The following RELCH variants were observed in gnomAD, a reference collection of about 807,000 sequenced individuals.
RELCH encodes the protein RAB11-binding protein RELCH.
In RELCH, 41 loss-of-function variants were observed where a neutral mutation model predicts 150.3. The observed-to-expected ratio is 0.27, with a 90% CI of 0.21 to 0.35. The LOEUF (loss-of-function observed/expected upper bound fraction) is 0.35, where lower values mean the gene tolerates loss of function less well. Ranked by LOEUF, RELCH falls within the 10% of genes least tolerant of loss-of-function variation. RELCH has a pLI of 1.00. For missense variants in RELCH, 1,092 were observed against 1,467.8 expected (o/e 0.74, Z 4.18); for synonymous variants, 478 against 531.8 (o/e 0.90, Z 1.39).
Position 62,244,774 on chromosome 18 carries a change from C to G in RELCH, c.1631C>G (p.Pro544Arg). The change falls in exon 11 of 29, where the codon CCC becomes CGC. Residue 544 changes from proline to arginine, a missense_variant. Pro to Arg is a moderately radical substitution (Grantham distance 103, BLOSUM62 -2). Around this residue, in one of 4 missense-constraint regions of RELCH, gnomAD observed 707 missense variants for 1,025.4 expected, o/e 0.69. Coordinates refer to ENST00000644646, the MANE Select transcript of RELCH (RefSeq NM_001346231.2). ...CTCGTATTTCTTTAGGAGTTGATCC[C>G]CCTCATATTGTGTACAGCATGTCTA... ...VLLAKREELI[P>R]LILCTACLHP... 6.2e-7 allele frequency: 1 copy of G among 1,607,598 alleles called. No homozygotes were observed. The highest frequency in any genetic ancestry group is 8.5e-7 in the Non-Finnish European group (1 of 1,174,578).
At chr18:62,298,051 A>T (rs1568450251) in intron 27 of RELCH, among the ~76,000 whole-genome samples, 1 of 152,100 alleles carries the variant, frequency 6.6e-6, no homozygotes, top group Non-Finnish European at 1.5e-5. Flanking sequence ...ACTAGAACAT[A>T]AGCTCCACAA....
rs375603973 is a variant in RELCH, at chr18:62,221,412, C to G, written c.773C>G (p.Ala258Gly). 6 of 1,599,230 alleles carry G rather than the reference C, an allele frequency of 3.8e-6. No individual in the cohort carries two copies. The highest frequency in any genetic ancestry group is 5.1e-6 in the Non-Finnish European group (6 of 1,169,818). ...CCAATCAAACCTCTTGAAAAGAGAG[C>G]TCTAAACTTCTTAGTCAATGAATTT... ...QEPIKPLEKR[A>G]LNFLVNEFLL... Residue 258 changes from alanine (A) to glycine (G), a missense_variant, in exon 5 of 29, where the codon GCT becomes GGT. Physicochemically the swap from Ala to Gly is moderately conservative, Grantham distance 60. Around this residue, in one of 4 missense-constraint regions of RELCH, gnomAD observed 190 missense variants for 276.2 expected, o/e 0.69. Coordinates refer to ENST00000644646, the MANE Select transcript of RELCH (RefSeq NM_001346231.2).
At chr18:62,207,450 C>T (rs1456373297) in intron 1 of RELCH, among the ~76,000 whole-genome samples, 1 of 152,156 alleles carries the variant, frequency 6.6e-6, no homozygotes, top group Non-Finnish European at 1.5e-5. Context: ...GTGAATAATG[C>T]TGCTATGAAT....
chr18:62,248,914 A>C (rs981802301), intron 11 of RELCH, among the ~76,000 whole-genome samples: 1 of 152,190 alleles, frequency 6.6e-6, no homozygotes, highest in Non-Finnish European at 1.5e-5. Flanking sequence ...GATGATAGCT[A>C]TCTACCTCAA....
chr18:62,264,716 C>G lies in RELCH; in HGVS notation c.2508-13C>G. The G allele has an allele frequency of 6.4e-7, 1 of 1,558,698 alleles. No homozygotes were observed. Among genetic ancestry groups the G allele is most frequent in the Non-Finnish European group, 8.7e-7 (1 of 1,146,638 alleles). On this transcript the variant is annotated splice_polypyrimidine_tract_variant and intron_variant, in intron 17 of 28. Coordinates refer to ENST00000644646, the MANE Select transcript of RELCH (RefSeq NM_001346231.2). Reference sequence around the variant, plus strand: ...TGTATCCCCTGCCTATTTTTCTTTCCTTTCATATTCAGGTTGCCACAACTT... The same window carrying G: ...TGTATCCCCTGCCTATTTTTCTTTCGTTTCATATTCAGGTTGCCACAACTT...
chr18:62,274,000 A>T lies in RELCH; in HGVS notation c.2781A>T (p.Leu927Phe). The change falls in exon 21 of 29, where the codon TTA becomes TTT. Residue 927 changes from leucine (L) to phenylalanine (F), a missense_variant. Around this residue, in one of 4 missense-constraint regions of RELCH, gnomAD observed 707 missense variants for 1,025.4 expected, o/e 0.69. Transcript: ENST00000644646. ...CYIQEEDRKL[L>F]VGFLEDVMTL... ...TGTAGGAAGAAGACCGAAAACTGTT[A>T]GTTGGATTCTTAGAAGATGTAATGA... 1 of 1,611,694 alleles carries T rather than the reference A, an allele frequency of 6.2e-7. No homozygotes were observed. Among genetic ancestry groups the T allele is most frequent in the Non-Finnish European group, 8.5e-7 (1 of 1,178,184 alleles).
At chr18:62,304,720 G>C (rs531815992) in intron 28 of RELCH, among the ~76,000 whole-genome samples, 1 of 152,240 alleles carries the variant, frequency 6.6e-6, no homozygotes, top group South Asian at 2.1e-4. Context: ...TTTCTGTTCA[G>C]TACTATGATA....
At chr18:62,196,928 T>C (rs553853427) in intron 1 of RELCH, among the ~76,000 whole-genome samples, 2 of 152,252 alleles carry the variant, frequency 1.3e-5, no homozygotes, top group Middle Eastern at 6.8e-3. Context: ...TATAGAAAAA[T>C]CTTTGTTGAT....
rs1193379682 is a variant in RELCH at position 62,298,131 on chromosome 18, T to C, written c.3460-659T>C. On this transcript the variant is annotated intron_variant, in intron 27 of 28. Transcript: ENST00000644646. ...AAAAAGATACCTAGCCCGTAGTAGG[T>C]AGACAATAAATATTTTTTTAGGGAC... Among the ~76,000 whole-genome samples, 7 of 148,026 alleles carry C rather than the reference T, an allele frequency of 4.7e-5. 1 individual carries two copies. The highest frequency in any genetic ancestry group is 1.5e-5 in the Non-Finnish European group (1 of 67,276).
Position 62,298,911 on chromosome 18 carries a change from A to G in RELCH, c.3530+51A>G, listed in dbSNP as rs183663026. The G allele has an allele frequency of 4.9e-6, 5 of 1,024,936 alleles. No individual in the cohort carries two copies. In the South Asian group the frequency reaches 5.6e-5, roughly 12 times the overall value. The allele number at this position is 1,024,936 out of a possible 1,614,324, so 63.5% of individuals were successfully genotyped here. On this transcript the variant is annotated intron_variant, in intron 28 of 28. Transcript: ENST00000644646. ...GCTACATGTTAACTTTAATTTTTCTATCTAAATTTGCTGTCAATCAGTGTA... is the reference window on the plus strand; with the variant it reads ...GCTACATGTTAACTTTAATTTTTCTGTCTAAATTTGCTGTCAATCAGTGTA...
At chr18:62,198,033 A>G (rs1187860531) in intron 1 of RELCH, among the ~76,000 whole-genome samples, 1 of 152,206 alleles carries the variant, frequency 6.6e-6, no homozygotes, top group Non-Finnish European at 1.5e-5. Flanking sequence ...ATAGTACAAA[A>G]TTGATCATTT....
At chr18:62,268,415 G>A (rs1363249835) in intron 19 of RELCH, 1 of 152,496 alleles carries the variant, frequency 6.6e-6, no homozygotes, top group Non-Finnish European at 1.5e-5. Context: ...GAGGATGCAG[G>A]AGGGGCTCAG....
At chr18:62,300,787 AAGTCAT>A (rs2045630165) in intron 28 of RELCH, 1 of 152,228 alleles carries the variant, frequency 6.6e-6, no homozygotes, top group African/African-American at 2.4e-5. Flanking sequence ...TAAGTACTAC[AAGTCAT>A]CATGTAAAAT....
intron 10 of RELCH, among the ~76,000 whole-genome samples, chr18:62,233,349 A>G (rs2041696893): frequency 1.3e-5 from 2 of 151,868 alleles, no homozygotes; most frequent in South Asian, 2.1e-4. Flanking sequence ...CACTGATTCA[A>G]TCATAATTTC....
chr18:62,232,500 G>C, intron 10 of RELCH, 73 bp downstream of exon 10: 1 of 877,656 alleles, frequency 1.1e-6, no homozygotes, highest in Non-Finnish European at 1.9e-6. Flanking sequence ...TTGAAGTTGA[G>C]TGTTATATTT....
intron 25 of RELCH, among the ~76,000 whole-genome samples, chr18:62,284,075 C>G (rs2044665300): frequency 6.6e-6 from 1 of 152,132 alleles, no homozygotes; most frequent in African/African-American, 2.4e-5. Context: ...CATCTGGATT[C>G]TTATAGGATC....
rs113238648 is a variant in RELCH at position 62,207,029 on chromosome 18, A to G, written c.527-4124A>G. Among the ~76,000 whole-genome samples the G allele has an allele frequency of 5.0e-3, 764 of 152,144 alleles. 9 individuals are homozygous for G. Among genetic ancestry groups the G allele is most frequent in the African/African-American group, 0.018 (732 of 41,504 alleles). On this transcript the variant is annotated intron_variant, in intron 1 of 28. Coordinates refer to ENST00000644646, the MANE Select transcript of RELCH (RefSeq NM_001346231.2). ...AGTGTACAATTCATTGGTTTTTAGT[A>G]TATTTCCATTCATTTTTAGTATATT...
At position 62,231,178 on chromosome 18, in the gene RELCH, A is replaced by C; in HGVS notation, c.1449-16A>C. ...AATTATTTGATATTGTCTCTTTTTC[A>C]TACATTTTCTTCTAGGAAATTGTCT... On this transcript the variant is annotated splice_polypyrimidine_tract_variant and intron_variant, in intron 8 of 28. Coordinates refer to ENST00000644646, the MANE Select transcript of RELCH (RefSeq NM_001346231.2). 1.3e-6 allele frequency: 2 copies of C among 1,512,546 alleles called. No individual in the cohort carries two copies. The highest frequency in any genetic ancestry group is 1.8e-6 in the Non-Finnish European group (2 of 1,094,936). The allele number at this position is 1,512,546 out of a possible 1,614,324, so 93.7% of individuals were successfully genotyped here. A position where few individuals can be genotyped will look rare whatever the true frequency, so the allele number is the denominator to read the frequency against.
intron 1 of RELCH, among the ~76,000 whole-genome samples, chr18:62,195,223 T>C (rs1277281076): frequency 6.6e-6 from 1 of 152,080 alleles, no homozygotes; most frequent in Non-Finnish European, 1.5e-5. Context: ...TAAATTTACA[T>C]GATGAACCAA....
Sources: allele counts gnomAD v4.1 joint callset (sites outside exome capture counted in the v4.1 genomes callset), GRCh38; gene constraint gnomAD v4.1.1; regional missense constraint gnomAD v4.1.1; transcripts MANE v1.5; gene names NCBI Gene and HGNC (gene_info 2026-07-23, HGNC 2026-07-21).